The following PTBP3 variants were observed in gnomAD, a reference collection of about 807,000 sequenced individuals.
The protein encoded by PTBP3 is polypyrimidine tract binding protein 3, also known as polypyrimidine tract-binding protein 3.
PTBP3 carries 20 observed loss-of-function variants against 58.7 expected under a neutral mutation model. The observed-to-expected ratio is 0.34, with a 90% CI of 0.24 to 0.50. PTBP3 has a LOEUF of 0.50. Ranked by LOEUF, PTBP3 falls within the 20% of genes least tolerant of loss-of-function variation. The pLI, the probability that PTBP3 is intolerant of heterozygous loss-of-function variation, is 0.98. For missense variants in PTBP3, 509 were observed against 637.2 expected (o/e 0.80, Z 2.17); for synonymous variants, 185 against 219.8 (o/e 0.84, Z 1.40).
In PTBP3 at chr9:112,223,959, A is replaced by T. The variant is rs1360459118; in HGVS notation, c.1467T>A (p.Ile489=). The stretch of plus-strand genomic sequence containing the variant: ...TTGCTTCTTCCACAGATCCCAATTG[A>T]ATGAGCGCCATTTTGCGATCTTTCC... ...FFQKDRKMAL[I]QLGSVEEAIQ... The change falls in exon 14 of 14, where the codon ATT becomes ATA. Residue 489 remains isoleucine (I), a synonymous_variant. Coordinates refer to ENST00000374257, the MANE Select transcript of PTBP3 (RefSeq NM_001163788.4). 4 of 1,612,740 alleles carry T rather than the reference A, an allele frequency of 2.5e-6. No homozygotes were observed. Among genetic ancestry groups the T allele is most frequent in the Non-Finnish European group, 3.4e-6 (4 of 1,179,396 alleles).
At chr9:112,309,248 C>G (rs552318551) in intron 1 of PTBP3, among the ~76,000 whole-genome samples, 9 of 151,778 alleles carry the variant, frequency 5.9e-5, no homozygotes, top group African/African-American at 2.2e-4. Context: ...TATCCAAGTC[C>G]TACCTTTTTC....
chr9:112,290,707 TACACACACACAC>T (rs60262490), intron 2 of PTBP3, among the ~76,000 whole-genome samples: 1 of 110,958 alleles, frequency 9.0e-6, no homozygotes, highest in East Asian at 2.8e-4. Context: ...TATATATATA[TACACACACACAC>T]ACACACACAC....
In PTBP3 at chr9:112,262,568, G is replaced by A; in HGVS notation, c.383C>T (p.Ala128Val). ...AAGGGCCAGGCTTCCTGATTGGACG[G>A]CACTGACAGCCTGCAGTGCAGCTTG... ...RAQAALQAVSAVQSGSLALSG... is the reference protein window; with the variant it reads ...RAQAALQAVSVVQSGSLALSG... The change falls in exon 5 of 14, where the codon GCC becomes GTC. Residue 128 changes from alanine to valine, a missense_variant. By Grantham distance (64) the Ala-to-Val change is moderately conservative. Transcript: ENST00000374257. 14 of 1,607,518 alleles carry A rather than the reference G, an allele frequency of 8.7e-6. No homozygotes were observed. Among genetic ancestry groups the A allele is most frequent in the Non-Finnish European group, 1.2e-5 (14 of 1,177,410 alleles).
At chr9:112,315,445 A>G (rs1829663786) in intron 1 of PTBP3, among the ~76,000 whole-genome samples, 1 of 152,122 alleles carries the variant, frequency 6.6e-6, no homozygotes, top group Admixed American at 6.6e-5. Context: ...AAGCCCAGCC[A>G]TATCAAAAGT....
the PTBP3 span, among the ~76,000 whole-genome samples, chr9:112,355,818 G>A: frequency 2.6e-5 from 4 of 151,710 alleles, no homozygotes; most frequent in African/African-American, 4.8e-5. Flanking sequence ...ACAGGGTTTC[G>A]CGTTGGCCAG....
chr9:112,326,663 G>T (rs1209665200), intron 1 of PTBP3, among the ~76,000 whole-genome samples: 4 of 152,198 alleles, frequency 2.6e-5, no homozygotes, highest in African/African-American at 9.7e-5. Context: ...TATTTGATAT[G>T]TAAGACTGTC....
At chr9:112,311,774 T>A (rs1049234167) in intron 1 of PTBP3, among the ~76,000 whole-genome samples, 9 of 151,980 alleles carry the variant, frequency 5.9e-5, no homozygotes, top group Non-Finnish European at 1.0e-4. Context: ...CTAAACCCTG[T>A]CTCTGAAAAA....
intron 2 of PTBP3, among the ~76,000 whole-genome samples, chr9:112,294,598 A>G (rs1456792070): frequency 6.6e-6 from 1 of 152,206 alleles, no homozygotes; most frequent in African/African-American, 2.4e-5. Context: ...CATTGCAATT[A>G]AGAACAAGAC....
At chr9:112,344,439 G>T in the PTBP3 span, among the ~76,000 whole-genome samples, 398 of 152,212 alleles carry the variant, frequency 2.6e-3, 5 homozygotes, top group African/African-American at 9.2e-3. Context: ...GCTCTCTTTT[G>T]CTTCCTCTCT....
rs1274524655 is a variant in PTBP3 at position 112,219,297 on chromosome 9, A to G, written c.*4554T>C. ...ATCTGGGAAACAACAGTAAGGGGGA[A>G]AAAAGGCCAGAGTATGATTTTTTTA... On this transcript the variant is annotated 3_prime_UTR_variant, in exon 14 of 14. Coordinates refer to ENST00000374257, the MANE Select transcript of PTBP3 (RefSeq NM_001163788.4). The G allele has an allele frequency of 6.6e-6, 1 of 152,578 alleles. No individual in the cohort carries two copies. The highest frequency in any genetic ancestry group is 1.5e-5 in the Non-Finnish European group (1 of 68,016). 9.5% of individuals were successfully genotyped at this position (152,578 alleles called of 1,614,324 possible).
chr9:112,220,114 A>C lies in PTBP3; in HGVS notation c.*3737T>G. 1 of 1,242,462 alleles carries C rather than the reference A, an allele frequency of 8.0e-7. No individual in the cohort carries two copies. The highest frequency in any genetic ancestry group is 1.0e-6 in the Non-Finnish European group (1 of 965,760). 77.0% of individuals were successfully genotyped at this position (1,242,462 alleles called of 1,614,324 possible). On this transcript the variant is annotated 3_prime_UTR_variant, in exon 14 of 14. Transcript: ENST00000374257. ...ACGCTGTCTCTTTTTGGTTTTAAAAATAGCAGTACACATTAGGTTTTCTAA... is the reference window on the plus strand; with the variant it reads ...ACGCTGTCTCTTTTTGGTTTTAAAACTAGCAGTACACATTAGGTTTTCTAA...
At chr9:112,252,508 T>C (rs1335913807) in intron 6 of PTBP3, 170 bp downstream of exon 6, 3 of 522,988 alleles carry the variant, frequency 5.7e-6, no homozygotes, top group African/African-American at 4.0e-5. Context: ...GTAGTAATGA[T>C]TTTTAGCTTA....
At chr9:112,353,740 G>A in the PTBP3 span, among the ~76,000 whole-genome samples, 629 of 151,986 alleles carry the variant, frequency 4.1e-3, 5 homozygotes, top group African/African-American at 0.014. Flanking sequence ...CTGATCACCC[G>A]AGGTCAGGAG....
intron 4 of PTBP3, among the ~76,000 whole-genome samples, chr9:112,265,970 G>T (rs1274029348): frequency 6.6e-6 from 1 of 152,000 alleles, no homozygotes; most frequent in African/African-American, 2.4e-5. Flanking sequence ...TTTTAATCTT[G>T]GTGTACTAGA....
the PTBP3 span, among the ~76,000 whole-genome samples, chr9:112,344,316 G>A: frequency 6.6e-6 from 1 of 152,156 alleles, no homozygotes; most frequent in Non-Finnish European, 1.5e-5. Flanking sequence ...CCGTTAGGGG[G>A]TGATTAGGTC....
intron 1 of PTBP3, among the ~76,000 whole-genome samples, chr9:112,317,218 C>T (rs1829744809): frequency 6.6e-6 from 1 of 151,624 alleles, no homozygotes; most frequent in Non-Finnish European, 1.5e-5. Flanking sequence ...GCACTCCAGC[C>T]TGGGCAACAC....
upstream of PTBP3, among the ~76,000 whole-genome samples, chr9:112,334,744 A>G (rs1830533520): frequency 6.6e-6 from 1 of 152,248 alleles, no homozygotes; most frequent in South Asian, 2.1e-4. Context: ...GGACTCATTC[A>G]TCATTCAGTC....
In PTBP3 at chr9:112,268,558, T is replaced by C. The variant is rs979269024; in HGVS notation, c.205-363A>G. On this transcript the variant is annotated intron_variant, in intron 3 of 13. Transcript: ENST00000374257. Reference sequence around the variant, plus strand: ...AAAAATTTTAAAAATTAGCGGGGCATGGTGGCACATGGCTGTGGTCCCAGC... The same window carrying C: ...AAAAATTTTAAAAATTAGCGGGGCACGGTGGCACATGGCTGTGGTCCCAGC... Among the ~76,000 whole-genome samples, 15 of 134,838 alleles carry C rather than the reference T, an allele frequency of 1.1e-4. No homozygotes were observed. In the East Asian group the frequency reaches 3.1e-3, roughly 28 times the overall value. 88.5% of individuals were successfully genotyped at this position (134,838 alleles called of 152,430 possible).
chr9:112,303,242 T>C (rs538197380), intron 1 of PTBP3, among the ~76,000 whole-genome samples: 1 of 152,320 alleles, frequency 6.6e-6, no homozygotes, highest in Non-Finnish European at 1.5e-5. Flanking sequence ...TCCTATCTAC[T>C]AGTCACAGAT....
Sources: allele counts gnomAD v4.1 joint callset (sites outside exome capture counted in the v4.1 genomes callset), GRCh38; gene constraint gnomAD v4.1.1; transcripts MANE v1.5; gene names NCBI Gene and HGNC (gene_info 2026-07-23, HGNC 2026-07-21).